DHX29: variants seen among roughly 807,000 people sequenced by gnomAD.
DHX29 encodes ATP-dependent RNA helicase DHX29.
In DHX29, 79 loss-of-function variants were observed where a neutral mutation model predicts 167.9. The ratio of observed to expected loss-of-function variants is 0.47; its 90% CI spans 0.39 to 0.57. The LOEUF is 0.57. Among genes scored for constraint, DHX29 ranks in the 20% least tolerant of loss-of-function variants. The pLI, the probability that DHX29 is intolerant of heterozygous loss-of-function variation, is 0.00. For synonymous variants in DHX29, 530 were observed against 546.0 expected (o/e 0.97, Z 0.41); for missense variants, 1,347 against 1,593.4 (o/e 0.85, Z 2.63).
intron 23 of DHX29, among the ~76,000 whole-genome samples, chr5:55,266,351 C>T (rs2111807265): frequency 6.7e-6 from 1 of 149,604 alleles, no homozygotes; most frequent in East Asian, 2.0e-4. Flanking sequence ...CTCTTGTTGC[C>T]CAGGCTGGAG....
In DHX29 at chr5:55,307,637, A is replaced by T; in HGVS notation, c.-64T>A. On this transcript the variant is annotated 5_prime_UTR_variant, in exon 1 of 27. Transcript: ENST00000251636. ...CCGACGGTACCACTGCACAGCCGAG[A>T]GCTCTTCACATTCCCCGGCTCCGGG... 6.3e-7 allele frequency: 1 copy of T among 1,575,650 alleles called. No homozygotes were observed. The highest frequency in any genetic ancestry group is 8.6e-7 in the Non-Finnish European group (1 of 1,160,766).
intron 21 of DHX29, among the ~76,000 whole-genome samples, chr5:55,268,476 G>T (rs1746691433): frequency 6.6e-6 from 1 of 152,018 alleles, no homozygotes; most frequent in African/African-American, 2.4e-5. Flanking sequence ...CCAGGCTGGG[G>T]TGCAGTGGCC....
At chr5:55,294,900 C>T (rs959811502) in intron 5 of DHX29, 1 of 153,878 alleles carries the variant, frequency 6.5e-6, no homozygotes, top group African/African-American at 2.4e-5. Flanking sequence ...AATAATAAAG[C>T]AGGAGTTTGA....
chr5:55,274,856 A>G lies in DHX29; in HGVS notation c.2572+10T>C. The G allele has an allele frequency of 6.2e-7, 1 of 1,608,398 alleles. No homozygotes were observed. The highest frequency in any genetic ancestry group is 8.5e-7 in the Non-Finnish European group (1 of 1,178,140). On this transcript the variant is annotated intron_variant, in intron 15 of 26. Transcript: ENST00000251636. ...AATCAAATGGAGACCCATTAGAAATAGAAATATACCTAAGTATGCAAGAAG... is the reference window on the plus strand; with the variant it reads ...AATCAAATGGAGACCCATTAGAAATGGAAATATACCTAAGTATGCAAGAAG...
chr5:55,259,868 T>C lies in DHX29; in HGVS notation c.4037A>G (p.Asn1346Ser). ...IDSVLRKKLE[N>S]PKMSLENDKI... Reference sequence around the variant, plus strand: ...CTTACTTTCAAGGGACATCTTTGGATTTTCAAGCTTTTTTCTTAAAACTGA... The same window carrying C: ...CTTACTTTCAAGGGACATCTTTGGACTTTCAAGCTTTTTTCTTAAAACTGA... The change falls in exon 26 of 27, where the codon AAT becomes AGT. Residue 1346 changes from asparagine to serine, a missense_variant. Coordinates refer to ENST00000251636, the MANE Select transcript of DHX29 (RefSeq NM_019030.4). 2 of 1,606,686 alleles carry C rather than the reference T, an allele frequency of 1.2e-6. No homozygotes were observed. Among genetic ancestry groups the C allele is most frequent in the Non-Finnish European group, 1.7e-6 (2 of 1,173,398 alleles).
At chr5:55,278,223 C>A (rs141831910) in intron 12 of DHX29, among the ~76,000 whole-genome samples, 1 of 152,144 alleles carries the variant, frequency 6.6e-6, no homozygotes, top group African/African-American at 2.4e-5. Context: ...TGACTTATTT[C>A]TACTCTATTT....
chr5:55,298,050 TAA>T (rs1186187365), intron 2 of DHX29, among the ~76,000 whole-genome samples: 2 of 151,564 alleles, frequency 1.3e-5, no homozygotes, highest in Non-Finnish European at 2.9e-5. Context: ...AAAATATATA[TAA>T]AGAGACAAAT....
At chr5:55,261,906 T>G (rs1319023053) in intron 24 of DHX29, among the ~76,000 whole-genome samples, 1 of 152,142 alleles carries the variant, frequency 6.6e-6, no homozygotes, top group African/African-American at 2.4e-5. Flanking sequence ...TTGATAAATG[T>G]TGAGAGTTAT....
intron 25 of DHX29, 98 bp downstream of exon 25, chr5:55,261,270 G>T: frequency 5.1e-6 from 3 of 589,450 alleles, no homozygotes; most frequent in African/African-American, 1.9e-5. Context: ...ATATTAAGAA[G>T]AAATTATGCA....
chr5:55,301,730 A>C (rs1169003222), intron 1 of DHX29, among the ~76,000 whole-genome samples: 1 of 151,388 alleles, frequency 6.6e-6, no homozygotes, highest in Admixed American at 6.6e-5. Context: ...AAAAAAAAAA[A>C]AAAAAACAAG....
At chr5:55,278,973 A>C (rs2111868000) in intron 12 of DHX29, among the ~76,000 whole-genome samples, 1 of 152,322 alleles carries the variant, frequency 6.6e-6, no homozygotes, top group East Asian at 1.9e-4. Context: ...CAGGAAGAGC[A>C]GTGATTAATG....
At position 55,276,306 on chromosome 5, in the gene DHX29, A is replaced by G. The variant is rs1747111497; in HGVS notation, c.2387T>C (p.Ile796Thr). Residue 796 changes from isoleucine (I) to threonine (T), a missense_variant, in exon 14 of 27, where the codon ATT (isoleucine) becomes ACT (threonine). Physicochemically the swap from Ile to Thr is moderately conservative, Grantham distance 89. Around this residue, in one of 3 missense-constraint regions of DHX29, gnomAD observed 882 missense variants for 1,082.4 expected, o/e 0.81. Transcript: ENST00000251636. ...KFLEEEEEVT[I>T]NVTSKAGGIK... ...TCCCCCTGCTTTGCTTGTAACATTA[A>G]TGGTTACTTCTTCTTCCTCTTCCAG... 2 of 1,600,852 alleles carry G rather than the reference A, an allele frequency of 1.2e-6. No homozygotes were observed. The highest frequency in any genetic ancestry group is 2.3e-5 in the South Asian group (2 of 87,970).
Position 55,294,132 on chromosome 5 carries a change from T to C in DHX29, c.665A>G (p.Glu222Gly), listed in dbSNP as rs761199219. 4 of 1,591,118 alleles carry C rather than the reference T, an allele frequency of 2.5e-6. No individual in the cohort carries two copies. Among genetic ancestry groups the C allele is most frequent in the Non-Finnish European group, 3.4e-6 (4 of 1,172,894 alleles). The change falls in exon 6 of 27, where the codon GAA (glutamate) becomes GGA (glycine). Residue 222 changes from glutamate to glycine, a missense_variant. By Grantham distance (98) the Glu-to-Gly change is moderately conservative. Coordinates refer to ENST00000251636, the MANE Select transcript of DHX29 (RefSeq NM_019030.4). ...TTTCATATTTACTTCCATATTTTTT[T>C]CTTCCTTTTTTGGCTAGAAAGAGAA... ...EDPKSKPKKE[E>G]KNMEVNMKEW...
At chr5:55,284,225 C>T (rs1246145503) in intron 10 of DHX29, among the ~76,000 whole-genome samples, 2 of 152,150 alleles carry the variant, frequency 1.3e-5, no homozygotes, top group South Asian at 2.1e-4. Context: ...TGCTTATTCT[C>T]GGAATATGTT....
intron 21 of DHX29, 75 bp from the exon 22 acceptor site, chr5:55,267,897 A>G (rs2111815771): frequency 8.6e-7 from 1 of 1,164,402 alleles, no homozygotes; most frequent in Non-Finnish European, 1.2e-6. Context: ...TATAAAAGAA[A>G]GCAAATCATA....
chr5:55,265,826 T>C (rs939453374), intron 23 of DHX29, among the ~76,000 whole-genome samples: 1 of 152,166 alleles, frequency 6.6e-6, no homozygotes, highest in African/African-American at 2.4e-5. Flanking sequence ...GGGCAGATAG[T>C]AGAATAAAAG....
intron 8 of DHX29, among the ~76,000 whole-genome samples, chr5:55,286,231 G>T (rs1579796373): frequency 6.6e-6 from 1 of 150,922 alleles, no homozygotes; most frequent in Non-Finnish European, 1.5e-5. Flanking sequence ...TACAGCCTGG[G>T]TGACAGAGCG....
chr5:55,276,067 G>GTGT (rs1579775130), intron 14 of DHX29, among the ~76,000 whole-genome samples, 199 bp downstream of exon 14: 1 of 152,220 alleles, frequency 6.6e-6, no homozygotes, highest in East Asian at 1.9e-4. Flanking sequence ...GACAATCAAA[G>GTGT]TATCACAAAT....
chr5:55,286,988 A>T (rs796488517), intron 8 of DHX29, among the ~76,000 whole-genome samples: 1 of 152,222 alleles, frequency 6.6e-6, no homozygotes, highest in Non-Finnish European at 1.5e-5. Context: ...TTCCCAATCC[A>T]AATTAGACCC....
Sources: allele counts gnomAD v4.1 joint callset (sites outside exome capture counted in the v4.1 genomes callset), GRCh38; gene constraint gnomAD v4.1.1; regional missense constraint gnomAD v4.1.1; transcripts MANE v1.5; gene names NCBI Gene and HGNC (gene_info 2026-07-23, HGNC 2026-07-21).